The following PCSK5 variants were observed in gnomAD, a reference collection of about 807,000 sequenced individuals.
PCSK5 encodes the protein prohormone convertase 5.
Under a neutral mutation model 233.2 loss-of-function variants are expected in PCSK5, and 129 were observed. That is an observed-to-expected ratio of 0.55 (90% CI 0.48 to 0.64). The LOEUF (loss-of-function observed/expected upper bound fraction) is 0.64. Ranked by LOEUF, PCSK5 falls within the 30% of genes least tolerant of loss-of-function variation. The pLI, the probability that PCSK5 is intolerant of heterozygous loss-of-function variation, is 0.00. For synonymous variants in PCSK5, 825 were observed against 879.2 expected (o/e 0.94, Z 1.09); for missense variants, 2,076 against 2,430.1 (o/e 0.85, Z 3.06).
intron 12 of PCSK5, 64 bp downstream of exon 12, chr9:76,159,235 A>G (rs1235116859): frequency 1.9e-5 from 27 of 1,436,186 alleles, no homozygotes; most frequent in Non-Finnish European, 2.5e-5. Flanking sequence ...TTCCTTAGGT[A>G]GAAGGGAACA....
intron 5 of PCSK5, among the ~76,000 whole-genome samples, chr9:76,064,547 G>T (rs574037799): frequency 6.0e-5 from 9 of 150,054 alleles, no homozygotes; most frequent in African/African-American, 2.2e-4. Flanking sequence ...GGTGGCTGCC[G>T]GGCGGAGACG....
At position 76,022,497 on chromosome 9, in the gene PCSK5, G is replaced by A. The variant is rs371704170; in HGVS notation, c.412-1241G>A. Among the ~76,000 whole-genome samples the A allele has an allele frequency of 4.6e-5, 7 of 152,034 alleles. No homozygotes were observed. The East Asian group carries it at 7.7e-4, about 17-fold the overall frequency. Reference sequence around the variant, plus strand: ...AATAGGGAAAGACCTGGGGTGGCTCGTGTTACTATGGAATTATGTAGCAGC... The same window carrying A: ...AATAGGGAAAGACCTGGGGTGGCTCATGTTACTATGGAATTATGTAGCAGC... On this transcript the variant is annotated intron_variant, in intron 3 of 37. Transcript: ENST00000674117.
intron 27 of PCSK5, among the ~76,000 whole-genome samples, chr9:76,301,233 C>G (rs1828588614): frequency 6.7e-6 from 1 of 150,044 alleles, no homozygotes. Context: ...GATCACACCA[C>G]TGCACTCCAG....
At chr9:76,100,215 A>G (rs1270124467) in intron 8 of PCSK5, among the ~76,000 whole-genome samples, 2 of 152,374 alleles carry the variant, frequency 1.3e-5, no homozygotes, top group South Asian at 4.1e-4. Flanking sequence ...AAAGATTACT[A>G]TGAAAGAAGC....
intron 23 of PCSK5, 43 bp from the exon 24 acceptor site, chr9:76,240,573 T>G (rs567329408): frequency 7.5e-7 from 1 of 1,331,278 alleles, no homozygotes; most frequent in Non-Finnish European, 1.1e-6. Context: ...GTGTCTCCAC[T>G]CAATGGAAAT....
At chr9:76,227,919 A>G (rs1825948767) in intron 21 of PCSK5, among the ~76,000 whole-genome samples, 1 of 150,938 alleles carries the variant, frequency 6.6e-6, no homozygotes, top group African/African-American at 2.4e-5. Flanking sequence ...CATCATTTCC[A>G]TCTGCTGGTC....
chr9:76,147,451 T>C (rs1011204083), intron 10 of PCSK5, among the ~76,000 whole-genome samples: 3 of 152,174 alleles, frequency 2.0e-5, no homozygotes, highest in African/African-American at 7.2e-5. Context: ...AATCAGACTT[T>C]GCCAGGAGAT....
intron 9 of PCSK5, among the ~76,000 whole-genome samples, chr9:76,131,739 G>T (rs982308890): frequency 2.4e-4 from 36 of 151,974 alleles, no homozygotes; most frequent in African/African-American, 7.5e-4. Context: ...ATCTCCCAAT[G>T]ATCAGAATTT....
chr9:75,974,957 A>G (rs1223331054), intron 2 of PCSK5, among the ~76,000 whole-genome samples: 1 of 152,244 alleles, frequency 6.6e-6, no homozygotes, highest in Non-Finnish European at 1.5e-5. Context: ...CCTTTGATTC[A>G]TAAAGCTAGA....
At chr9:76,230,333 A>G (rs1032908185) in intron 21 of PCSK5, among the ~76,000 whole-genome samples, 6 of 152,228 alleles carry the variant, frequency 3.9e-5, no homozygotes, top group African/African-American at 1.4e-4. Flanking sequence ...GGTTTAAAGC[A>G]TAATTATGTG....
intron 5 of PCSK5, among the ~76,000 whole-genome samples, chr9:76,043,439 A>T (rs1202574168): frequency 1.3e-5 from 2 of 152,146 alleles, no homozygotes; most frequent in Non-Finnish European, 2.9e-5. Flanking sequence ...TCATGGAAAG[A>T]AAATGTTGCA....
intron 3 of PCSK5, among the ~76,000 whole-genome samples, chr9:76,023,084 G>T (rs903574638): frequency 2.6e-5 from 4 of 152,186 alleles, no homozygotes; most frequent in Admixed American, 6.5e-5. Context: ...CAGTGACATG[G>T]TTTGGATTTA....
chr9:76,172,181 T>C lies in PCSK5; in HGVS notation c.1756+2341T>C, dbSNP rs182262539. ...GTCATTTATTTATTATTACAATACA[T>C]ATTAAGAGCATTTGAGGGTGTTGTT... On this transcript the variant is annotated intron_variant, in intron 13 of 37. Transcript: ENST00000674117. Among the ~76,000 whole-genome samples the C allele has an allele frequency of 2.0e-4, 30 of 152,316 alleles. 1 individual carries two copies. The East Asian group carries it at 5.6e-3, about 28-fold the overall frequency.
chr9:75,920,876 A>G (rs1823228869), intron 1 of PCSK5, among the ~76,000 whole-genome samples: 2 of 152,184 alleles, frequency 1.3e-5, no homozygotes, highest in South Asian at 4.1e-4. Flanking sequence ...GCCTCTGTTT[A>G]CCAGTATGAA....
chr9:75,953,772 T>A (rs1824972831), intron 2 of PCSK5, among the ~76,000 whole-genome samples: 1 of 151,972 alleles, frequency 6.6e-6, no homozygotes, highest in African/African-American at 2.4e-5. Flanking sequence ...CCTATCAAAT[T>A]CCCACACTTT....
intron 2 of PCSK5, among the ~76,000 whole-genome samples, chr9:75,954,783 C>G (rs1825019570): frequency 6.6e-6 from 1 of 152,122 alleles, no homozygotes; most frequent in Non-Finnish European, 1.5e-5. Flanking sequence ...TCCTTTTGCT[C>G]TAGGGCTTTC....
At chr9:75,899,287 A>G (rs919902473) in intron 1 of PCSK5, among the ~76,000 whole-genome samples, 3 of 152,234 alleles carry the variant, frequency 2.0e-5, no homozygotes, top group African/African-American at 7.2e-5. Flanking sequence ...ACAACATGAT[A>G]TTTTGATATA....
At chr9:76,348,338 G>A (rs1356362535) in intron 35 of PCSK5, among the ~76,000 whole-genome samples, 1 of 152,200 alleles carries the variant, frequency 6.6e-6, no homozygotes, top group Non-Finnish European at 1.5e-5. Context: ...TTGAACCTGG[G>A]AGGCGAAGTT....
chr9:76,036,534 C>T (rs1284105696), intron 5 of PCSK5, among the ~76,000 whole-genome samples: 1 of 152,114 alleles, frequency 6.6e-6, no homozygotes, highest in African/African-American at 2.4e-5. Flanking sequence ...CCTTCCTCAC[C>T]ACGTCAGTTT....
Sources: gnomAD v4.1 joint callset for allele counts (sites outside exome capture counted in the v4.1 genomes callset) on GRCh38, gnomAD v4.1.1 for gene constraint, MANE v1.5 for transcripts, NCBI Gene and HGNC (gene_info 2026-07-23, HGNC 2026-07-21) for gene names.